The following GRID2 variants were observed in gnomAD, a reference collection of about 807,000 sequenced individuals.
GRID2 encodes glutamate ionotropic receptor delta type subunit 2, also known as glutamate receptor ionotropic, delta-2.
Under a neutral mutation model 114.8 loss-of-function variants are expected in GRID2, and 33 were observed. That is an observed-to-expected ratio of 0.29 (90% CI 0.22 to 0.38). GRID2 has a LOEUF of 0.38. Among genes scored for constraint, GRID2 ranks in the 10% least tolerant of loss-of-function variants. The pLI is 1.00. For synonymous variants in GRID2, 505 were observed against 449.9 expected, an observed-to-expected ratio of 1.12 and a Z score of -1.55; for missense variants, 1,184 against 1,257.7, an observed-to-expected ratio of 0.94 and a Z score of 0.89.
chr4:93,594,278 G>A lies in GRID2; in HGVS notation c.2194-31991G>A, dbSNP rs547021459. 1.2e-4 allele frequency among the ~76,000 whole-genome samples: 19 copies of A among 152,210 alleles called. No individual in the cohort carries two copies. In the East Asian group the frequency reaches 3.5e-3, roughly 28 times the overall value. On this transcript the variant is annotated intron_variant, in intron 13 of 15. Coordinates refer to ENST00000282020, the MANE Select transcript of GRID2 (RefSeq NM_001510.4). ...TGTTAGTTTTCCTTCTAACACACAG[G>A]ACCCTCAGCTGCAGGTCTGTTGGAG...
At chr4:92,466,037 G>T (rs1032570427) in intron 1 of GRID2, among the ~76,000 whole-genome samples, 2 of 151,500 alleles carry the variant, frequency 1.3e-5, no homozygotes, top group African/African-American at 4.8e-5. Context: ...TATTTGGGGG[G>T]TACATACCAA....
intron 2 of GRID2, among the ~76,000 whole-genome samples, chr4:92,743,944 T>G (rs1024062182): frequency 6.6e-6 from 1 of 152,210 alleles, no homozygotes; most frequent in African/African-American, 2.4e-5. Context: ...TTAAGTCTAT[T>G]TGACCGCTTG....
intron 1 of GRID2, among the ~76,000 whole-genome samples, chr4:92,342,324 A>T (rs1727537949): frequency 6.6e-6 from 1 of 152,184 alleles, no homozygotes; most frequent in African/African-American, 2.4e-5. Flanking sequence ...TAAAATAATA[A>T]TTAAAAGTCC....
chr4:92,334,166 T>G (rs1364790140), intron 1 of GRID2, among the ~76,000 whole-genome samples: 1 of 152,354 alleles, frequency 6.6e-6, no homozygotes, highest in African/African-American at 2.4e-5. Context: ...AACTTGTTCC[T>G]CATTTCTGTC....
intron 2 of GRID2, among the ~76,000 whole-genome samples, chr4:92,680,251 A>G (rs1475379963): frequency 6.6e-6 from 1 of 152,110 alleles, no homozygotes; most frequent in Admixed American, 6.5e-5. Flanking sequence ...ACAAATTCGA[A>G]TCCAAAATTT....
chr4:92,539,159 T>C (rs1725803003), intron 1 of GRID2, among the ~76,000 whole-genome samples: 1 of 152,144 alleles, frequency 6.6e-6, no homozygotes, highest in Non-Finnish European at 1.5e-5. Flanking sequence ...TTATTAATAC[T>C]CAGGATGAGA....
At chr4:93,156,026 A>G (rs769953968) in intron 4 of GRID2, among the ~76,000 whole-genome samples, 3 of 151,772 alleles carry the variant, frequency 2.0e-5, no homozygotes, top group Non-Finnish European at 4.4e-5. Context: ...TGGATACCCA[A>G]TTACCACAAT....
intron 2 of GRID2, among the ~76,000 whole-genome samples, chr4:92,661,427 C>T (rs536859226): frequency 1.3e-5 from 2 of 150,710 alleles, no homozygotes; most frequent in African/African-American, 2.4e-5. Context: ...TTAAATGAAA[C>T]AGCTTTACCA....
chr4:93,443,490 C>T (rs1359030291), intron 10 of GRID2, among the ~76,000 whole-genome samples: 1 of 151,846 alleles, frequency 6.6e-6, no homozygotes, highest in Non-Finnish European at 1.5e-5. Context: ...AACCATAAGG[C>T]AAAAAGTTAA....
At chr4:92,547,842 A>G (rs752636157) in intron 1 of GRID2, among the ~76,000 whole-genome samples, 1 of 152,196 alleles carries the variant, frequency 6.6e-6, no homozygotes, top group Non-Finnish European at 1.5e-5. Context: ...AAATAATTCT[A>G]GGTTCTACAA....
chr4:93,686,285 A>G (rs1578570256), intron 14 of GRID2, among the ~76,000 whole-genome samples: 1 of 151,892 alleles, frequency 6.6e-6, no homozygotes, highest in East Asian at 1.9e-4. Context: ...AACCCTGCTC[A>G]TGAGGTCTTA....
chr4:92,721,471 G>A (rs1735806043), intron 2 of GRID2, among the ~76,000 whole-genome samples: 1 of 151,548 alleles, frequency 6.6e-6, no homozygotes. Flanking sequence ...GAAACAATAG[G>A]GAAAATAATA....
At chr4:92,459,771 G>C (rs1721387322) in intron 1 of GRID2, among the ~76,000 whole-genome samples, 1 of 151,676 alleles carries the variant, frequency 6.6e-6, no homozygotes, top group Non-Finnish European at 1.5e-5. Context: ...TTTCTGTGAA[G>C]GTATAGATGA....
chr4:93,350,932 C>A (rs28569380), intron 8 of GRID2, among the ~76,000 whole-genome samples: 12,339 of 152,052 alleles, frequency 0.081, 666 homozygotes, highest in African/African-American at 0.15. Context: ...GGGGAGGACT[C>A]ACAATCATGG....
At chr4:93,247,410 T>C (rs757661614) in intron 8 of GRID2, among the ~76,000 whole-genome samples, 1 of 152,204 alleles carries the variant, frequency 6.6e-6, no homozygotes, top group East Asian at 1.9e-4. Context: ...GGGAACTGAA[T>C]AGAACAAAAA....
intron 8 of GRID2, among the ~76,000 whole-genome samples, chr4:93,387,883 A>T (rs1052424387): frequency 2.0e-5 from 3 of 152,030 alleles, no homozygotes; most frequent in African/African-American, 7.2e-5. Flanking sequence ...ATGTGTATTA[A>T]GGTTCTTGTT....
At chr4:92,862,400 A>G (rs1332756595) in intron 2 of GRID2, among the ~76,000 whole-genome samples, 1 of 151,998 alleles carries the variant, frequency 6.6e-6, no homozygotes, top group African/African-American at 2.4e-5. Context: ...CTTGGGTGTA[A>G]TCTTTTTTTT....
intron 2 of GRID2, among the ~76,000 whole-genome samples, chr4:92,836,024 G>A (rs1383962599): frequency 6.6e-6 from 1 of 152,110 alleles, no homozygotes; most frequent in Non-Finnish European, 1.5e-5. Context: ...ATTTATATCA[G>A]AGGTCAGCAA....
intron 14 of GRID2, among the ~76,000 whole-genome samples, chr4:93,768,113 T>C (rs1733818602): frequency 6.6e-6 from 1 of 152,168 alleles, no homozygotes; most frequent in African/African-American, 2.4e-5. Flanking sequence ...CTCACTCATC[T>C]GAGCTCTGTC....
Sources: allele counts gnomAD v4.1 joint callset (sites outside exome capture counted in the v4.1 genomes callset), GRCh38; gene constraint gnomAD v4.1.1; transcripts MANE v1.5; gene names NCBI Gene and HGNC (gene_info 2026-07-23, HGNC 2026-07-21).